Variants in CDH23 observed in about 807,000 individuals in gnomAD.
CDH23 encodes the protein cadherin-23.
Under a neutral mutation model 317.1 loss-of-function variants are expected in CDH23, and 189 were observed. That is an observed-to-expected ratio of 0.60 (90% CI 0.53 to 0.67). The LOEUF (loss-of-function observed/expected upper bound fraction) is 0.67. Among genes scored for constraint, CDH23 ranks in the 30% least tolerant of loss-of-function variants. The pLI is 0.00. For missense variants in CDH23, 4,401 were observed against 4,592.4 expected, an observed-to-expected ratio of 0.96 and a Z score of 1.20; for synonymous variants, 1,839 against 1,876.8, an observed-to-expected ratio of 0.98 and a Z score of 0.52.
In CDH23 at chr10:71,798,568, C is replaced by A. The variant is rs1310913742; in HGVS notation, c.7044C>A (p.Asp2348Glu). 1 of 1,609,248 alleles carries A rather than the reference C, an allele frequency of 6.2e-7. No individual in the cohort carries two copies. The highest frequency in any genetic ancestry group is 1.7e-5 in the Admixed American group (1 of 59,692). Residue 2348 changes from aspartate (D) to glutamate (E), a missense_variant, in exon 50 of 70, where the codon GAC becomes GAA. Around this residue, in one of 3 missense-constraint regions of CDH23, gnomAD observed 189 missense variants for 250.9 expected, o/e 0.75. Transcript: ENST00000224721. ...LVPPGYVQLEDSSAGKVIANR... is the reference protein window; with the variant it reads ...LVPPGYVQLEESSAGKVIANR... ...CCCCAGGGTATGTCCAGCTGGAGGA[C>A]TCCTCGGCAGGTAGGTTAGAAATCT...
chr10:71,730,433 C>G (rs755657234), intron 30 of CDH23, 36 bp from the exon 31 acceptor site: 14 of 1,608,818 alleles, frequency 8.7e-6, no homozygotes, highest in Middle Eastern at 4.0e-4. Context: ...GCCTCCACCC[C>G]ACCCTGACCT....
chr10:71,406,906 C>T (rs1662588125), intron 1 of CDH23, among the ~76,000 whole-genome samples: 1 of 152,182 alleles, frequency 6.6e-6, no homozygotes, highest in African/African-American at 2.4e-5. Flanking sequence ...GACTTAGTGT[C>T]AGAGCTGACA....
At position 71,446,034 on chromosome 10, in the gene CDH23, C is replaced by G. The variant is rs138379298; in HGVS notation, c.68-284C>G. ...AGAGGCTTCTAAATCCTGTCTTTTGCCTGAGGAGCCCCTGTCATGTGCTTG... is the reference window on the plus strand; with the variant it reads ...AGAGGCTTCTAAATCCTGTCTTTTGGCTGAGGAGCCCCTGTCATGTGCTTG... On this transcript the variant is annotated intron_variant, in intron 2 of 69. Coordinates refer to ENST00000224721, the MANE Select transcript of CDH23 (RefSeq NM_022124.6). Among the ~76,000 whole-genome samples, 399 of 152,248 alleles carry G rather than the reference C, an allele frequency of 2.6e-3. 3 individuals carry two copies. The highest frequency in any genetic ancestry group is 8.5e-3 in the African/African-American group (354 of 41,536).
rs779974496 is a variant in CDH23 at position 71,677,676 on chromosome 10, C to A, written c.1735C>A (p.Gln579Lys). 5 of 1,564,372 alleles carry A rather than the reference C, an allele frequency of 3.2e-6. No homozygotes were observed. Among genetic ancestry groups the A allele is most frequent in the Non-Finnish European group, 4.3e-6 (5 of 1,154,674 alleles). ...ALRENEPSVT[Q>K]LVRLRATDED... is the part of the protein sequence containing the mutation. Reference sequence around the variant, plus strand: ...GCGGGAGAACGAGCCTTCTGTCACACAGCTGGTGCGGCTCCGGGTAAGGTG... The same window carrying A: ...GCGGGAGAACGAGCCTTCTGTCACAAAGCTGGTGCGGCTCCGGGTAAGGTG... The change falls in exon 16 of 70, where the codon CAG (glutamine) becomes AAG (lysine). Residue 579 changes from glutamine to lysine, a missense_variant. By Grantham distance (53) the Gln-to-Lys change is moderately conservative. Coordinates refer to ENST00000224721, the MANE Select transcript of CDH23 (RefSeq NM_022124.6).
At chr10:71,427,778 T>A (rs7089339) in intron 1 of CDH23, among the ~76,000 whole-genome samples, 59,753 of 150,230 alleles carry the variant, frequency 0.4, 14,738 homozygotes, top group Non-Finnish European at 0.54. Context: ...GGTGGTGCAA[T>A]CCTGGCTCAC....
intron 3 of CDH23, among the ~76,000 whole-genome samples, chr10:71,500,018 CA>C (rs34690494): frequency 0.087 from 8,264 of 94,464 alleles, 231 homozygotes; most frequent in South Asian, 0.18. Flanking sequence ...GACTCCATCT[CA>C]AAAAAAAAAA....
intron 6 of CDH23, chr10:71,512,127 T>G (rs1854025198): frequency 6.6e-6 from 1 of 152,192 alleles, no homozygotes; most frequent in African/African-American, 2.4e-5. Flanking sequence ...TGGATGAGGC[T>G]GGGCATGGGA....
At chr10:71,722,026 C>T (rs201271433) in intron 28 of CDH23, among the ~76,000 whole-genome samples, 3 of 152,248 alleles carry the variant, frequency 2.0e-5, no homozygotes, top group East Asian at 3.8e-4. Flanking sequence ...ACCTTCACTG[C>T]TTTCTTGATC....
chr10:71,548,532 A>G (rs377321922), intron 6 of CDH23, among the ~76,000 whole-genome samples: 1 of 152,208 alleles, frequency 6.6e-6, no homozygotes, highest in Non-Finnish European at 1.5e-5. Flanking sequence ...TAGAGCCCCA[A>G]CTTGGGGAAC....
chr10:71,804,228 C>T (rs1240847772), intron 55 of CDH23, among the ~76,000 whole-genome samples: 1 of 152,176 alleles, frequency 6.6e-6, no homozygotes. Flanking sequence ...TTCCATCTGT[C>T]TGTTGTTCCT....
chr10:71,717,453 G>A (rs562076523), intron 28 of CDH23: 1 of 152,392 alleles, frequency 6.6e-6, no homozygotes, highest in South Asian at 2.1e-4. Flanking sequence ...ACCCCCCAGG[G>A]ACATCATACA....
At chr10:71,790,144 G>A (rs1397358199) in intron 45 of CDH23, 144 bp from the exon 46 acceptor site, 17 of 1,136,924 alleles carry the variant, frequency 1.5e-5, no homozygotes, top group Middle Eastern at 3.0e-4. Context: ...CCGCAGGCCC[G>A]CCCCCAGGGC....
chr10:71,709,447 T>C, intron 27 of CDH23, among the ~76,000 whole-genome samples: 1 of 152,160 alleles, frequency 6.6e-6, no homozygotes, highest in East Asian at 1.9e-4. Context: ...GACCCACATG[T>C]AGACAAATTA....
chr10:71,409,895 G>A (rs906851753), intron 1 of CDH23, among the ~76,000 whole-genome samples: 90 of 152,284 alleles, frequency 5.9e-4, no homozygotes, highest in African/African-American at 2.1e-3. Context: ...TGTAAGAAAT[G>A]GGAAGCATCT....
intron 3 of CDH23, among the ~76,000 whole-genome samples, chr10:71,487,968 C>G (rs7071235): frequency 6.6e-6 from 1 of 152,238 alleles, no homozygotes; most frequent in African/African-American, 2.4e-5. Context: ...CCACCCTGTG[C>G]GTACACCATC....
chr10:71,569,360 G>C (rs992168898), intron 7 of CDH23, among the ~76,000 whole-genome samples: 1 of 152,216 alleles, frequency 6.6e-6, no homozygotes, highest in Non-Finnish European at 1.5e-5. Flanking sequence ...GGAACTCCAG[G>C]AATGCCTTGC....
At chr10:71,532,979 G>A (rs538830202) in intron 6 of CDH23, among the ~76,000 whole-genome samples, 2 of 152,110 alleles carry the variant, frequency 1.3e-5, no homozygotes, top group Non-Finnish European at 2.9e-5. Flanking sequence ...TGATCCACTC[G>A]CCTTGCCCTC....
chr10:71,710,235 TG>T, intron 27 of CDH23, among the ~76,000 whole-genome samples: 1 of 152,358 alleles, frequency 6.6e-6, no homozygotes, highest in Middle Eastern at 3.4e-3. Context: ...TGCAGCGGCA[TG>T]GAAGACAGCA....
At chr10:71,774,938 A>T (rs1233381240) in intron 38 of CDH23, among the ~76,000 whole-genome samples, 1 of 152,178 alleles carries the variant, frequency 6.6e-6, no homozygotes, top group East Asian at 1.9e-4. Context: ...CCTTGCTCTA[A>T]GGGCAGGGAA....
Sources: allele counts gnomAD v4.1 joint callset (sites outside exome capture counted in the v4.1 genomes callset), GRCh38; gene constraint gnomAD v4.1.1; regional missense constraint gnomAD v4.1.1; transcripts MANE v1.5; gene names NCBI Gene and HGNC (gene_info 2026-07-23, HGNC 2026-07-21).